ADK: variants seen among roughly 807,000 people sequenced by gnomAD.
The protein encoded by ADK is adenosine kinase.
A neutral mutation model predicts 44.7 loss-of-function variants in ADK; 24 were observed. The observed-to-expected ratio is 0.54, with a 90% CI of 0.39 to 0.76. ADK has a LOEUF of 0.76. Among genes scored for constraint, ADK ranks in the 30% least tolerant of loss-of-function variants. The probability of loss-of-function intolerance (pLI) is 0.00; values close to 1 mark genes in which losing one functional copy is unlikely to be tolerated. For missense variants in ADK, 321 were observed against 425.1 expected, an observed-to-expected ratio of 0.76 and a Z score of 2.15; for synonymous variants, 128 against 142.6, an observed-to-expected ratio of 0.90 and a Z score of 0.73.
chr10:74,259,310 A>G (rs1845951672), intron 3 of ADK, among the ~76,000 whole-genome samples: 1 of 150,076 alleles, frequency 6.7e-6, no homozygotes, highest in Non-Finnish European at 1.5e-5. Context: ...TTTTTTTCAG[A>G]ATTATGTTAA....
chr10:74,369,732 G>A (rs1430331248), intron 4 of ADK, among the ~76,000 whole-genome samples: 50 of 152,136 alleles, frequency 3.3e-4, no homozygotes. Context: ...TCAGGAATAA[G>A]ACAAGGATGT....
intron 9 of ADK, among the ~76,000 whole-genome samples, chr10:74,638,772 T>G (rs1446341847): frequency 6.6e-6 from 1 of 152,214 alleles, no homozygotes; most frequent in Non-Finnish European, 1.5e-5. Flanking sequence ...TGGTTGAGAC[T>G]AATATGAGCT....
intron 6 of ADK, among the ~76,000 whole-genome samples, chr10:74,496,555 T>C (rs1466220252): frequency 6.6e-6 from 1 of 152,234 alleles, no homozygotes; most frequent in Non-Finnish European, 1.5e-5. Flanking sequence ...TAAACTTCTT[T>C]TCTTTATAAA....
intron 9 of ADK, among the ~76,000 whole-genome samples, chr10:74,611,833 A>G (rs1020871994): frequency 6.6e-6 from 1 of 152,136 alleles, no homozygotes; most frequent in Non-Finnish European, 1.5e-5. Flanking sequence ...GCATAGTATT[A>G]CATGGTGTAT....
intron 1 of ADK, among the ~76,000 whole-genome samples, chr10:74,160,189 G>C: frequency 6.6e-6 from 1 of 152,168 alleles, no homozygotes; most frequent in East Asian, 1.9e-4. Context: ...AGTGGAATCA[G>C]CTTTCCGTAA....
chr10:74,527,813 A>G (rs1486740925), intron 7 of ADK: 2 of 1,385,244 alleles, frequency 1.4e-6, no homozygotes, highest in African/African-American at 1.4e-5. Flanking sequence ...GCGATCCTTA[A>G]TAGAGTGGCC....
intron 3 of ADK, 41 bp downstream of exon 3, chr10:74,224,632 T>C: frequency 6.6e-7 from 1 of 1,506,614 alleles, no homozygotes; most frequent in Admixed American, 1.7e-5. Context: ...GTTTACTCTG[T>C]CTATGAACTT....
intron 3 of ADK, among the ~76,000 whole-genome samples, chr10:74,241,409 G>A (rs538996026): frequency 3.3e-5 from 5 of 152,210 alleles, no homozygotes; most frequent in Admixed American, 6.5e-5. Flanking sequence ...GAGGGGAGAC[G>A]GAGTCTCTCT....
chr10:74,649,502 G>T (rs1854182256), intron 9 of ADK, among the ~76,000 whole-genome samples: 1 of 152,000 alleles, frequency 6.6e-6, no homozygotes, highest in South Asian at 2.1e-4. Flanking sequence ...GCAAGCACCT[G>T]TCATCCTAGG....
chr10:74,197,554 G>A (rs1332231075), intron 1 of ADK, among the ~76,000 whole-genome samples: 3 of 152,076 alleles, frequency 2.0e-5, no homozygotes, highest in African/African-American at 7.2e-5. Flanking sequence ...ATAAAAATTA[G>A]CCAGGCGTGG....
At chr10:74,696,429 G>A (rs777101454) in intron 10 of ADK, among the ~76,000 whole-genome samples, 46 of 151,006 alleles carry the variant, frequency 3.0e-4, no homozygotes, top group Middle Eastern at 3.4e-3. Context: ...TCAGTGGCCC[G>A]ATCTCGGCTC....
At chr10:74,690,992 ATCAG>A (rs937878214) in intron 10 of ADK, among the ~76,000 whole-genome samples, 5 of 152,254 alleles carry the variant, frequency 3.3e-5, no homozygotes, top group African/African-American at 7.2e-5. Context: ...GAGGATTCAG[ATCAG>A]TCAAAGTTAT....
chr10:74,537,976 G>A lies in ADK; in HGVS notation c.726+12550G>A, dbSNP rs527545753. 4.6e-5 allele frequency among the ~76,000 whole-genome samples: 7 copies of A among 152,132 alleles called. No individual in the cohort carries two copies. In the South Asian group the frequency reaches 8.3e-4, roughly 18 times the overall value. On this transcript the variant is annotated intron_variant, in intron 7 of 10. Coordinates refer to ENST00000539909, the MANE Select transcript of ADK (RefSeq NM_006721.4). ...ACTTCAATTTATAAAGATAATATAG[G>A]CCAGGTGCAGTGGCTCATGCCTGTA...
rs566225965 is a variant in ADK, at chr10:74,611,335, T to C, written c.877+10842T>C. ...CGGGTGTGAGCCACCACACCTGGCCTAAATTGTAGACTTTTCTGAACACTC... is the reference window on the plus strand; with the variant it reads ...CGGGTGTGAGCCACCACACCTGGCCCAAATTGTAGACTTTTCTGAACACTC... On this transcript the variant is annotated intron_variant, in intron 9 of 10. Transcript: ENST00000539909. Among the ~76,000 whole-genome samples the C allele has an allele frequency of 7.2e-5, 11 of 152,254 alleles. 1 individual carries two copies. Among genetic ancestry groups the C allele is most frequent in the Admixed American group, 6.5e-4 (10 of 15,272 alleles).
intron 7 of ADK, chr10:74,527,558 A>G (rs574504485): frequency 1.4e-6 from 1 of 734,454 alleles, no homozygotes; most frequent in East Asian, 2.5e-5. Context: ...CTCTTTAATA[A>G]GAGCTCAAAT....
intron 10 of ADK, among the ~76,000 whole-genome samples, chr10:74,678,352 C>T (rs894734044): frequency 2.0e-5 from 3 of 151,740 alleles, no homozygotes; most frequent in African/African-American, 7.3e-5. Context: ...TTTGAGCCTT[C>T]GTTAGTTAAA....
intron 3 of ADK, among the ~76,000 whole-genome samples, chr10:74,277,042 G>A (rs1009152264): frequency 4.0e-5 from 6 of 151,024 alleles, no homozygotes; most frequent in Non-Finnish European, 8.9e-5. Flanking sequence ...CTCAGCCTCC[G>A]GAGTAGCTGG....
chr10:74,534,206 T>C (rs998646649), intron 7 of ADK, among the ~76,000 whole-genome samples: 2 of 152,202 alleles, frequency 1.3e-5, no homozygotes, highest in African/African-American at 2.4e-5. Context: ...TGCAGTACTT[T>C]ATACATACGT....
chr10:74,339,145 A>T (rs1841505060), intron 4 of ADK, among the ~76,000 whole-genome samples: 2 of 151,900 alleles, frequency 1.3e-5, no homozygotes, highest in South Asian at 4.1e-4. Flanking sequence ...TTTTTTGTAG[A>T]GATGGGGGTC....
Sources: gnomAD v4.1 joint callset for allele counts (sites outside exome capture counted in the v4.1 genomes callset) on GRCh38, gnomAD v4.1.1 for gene constraint, MANE v1.5 for transcripts, NCBI Gene and HGNC (gene_info 2026-07-23, HGNC 2026-07-21) for gene names.